PLAAT3: variants seen among roughly 807,000 people sequenced by gnomAD.
The protein encoded by PLAAT3 is Ca-independent phospholipase A1/2.
A neutral mutation model predicts 16.7 loss-of-function variants in PLAAT3; 21 were observed. That is an observed-to-expected ratio of 1.26 (90% CI 0.89 to 1.81). The LOEUF (loss-of-function observed/expected upper bound fraction) is 1.81. Ranked by LOEUF, PLAAT3 falls within the 40% of genes most tolerant of loss-of-function variation. The pLI, the probability that PLAAT3 is intolerant of heterozygous loss-of-function variation, is 0.00. For synonymous variants in PLAAT3, 76 were observed against 81.7 expected, an observed-to-expected ratio of 0.93 and a Z score of 0.38; for missense variants, 219 against 213.7, an observed-to-expected ratio of 1.02 and a Z score of -0.16.
At chr11:63,575,880 A>C (rs2017652659) in intron 4 of PLAAT3, among the ~76,000 whole-genome samples, 1 of 152,230 alleles carries the variant, frequency 6.6e-6, no homozygotes, top group Non-Finnish European at 1.5e-5. Context: ...AGAATGAGAG[A>C]GAGCTTTAGC....
At chr11:63,595,168 G>A (rs1471538670) in intron 3 of PLAAT3, among the ~76,000 whole-genome samples, 1 of 151,720 alleles carries the variant, frequency 6.6e-6, no homozygotes, top group East Asian at 1.9e-4. Flanking sequence ...GTGCGTGCCT[G>A]TAATCCCAGC....
At chr11:63,599,818 T>A (rs1938379131) in intron 2 of PLAAT3, among the ~76,000 whole-genome samples, 1 of 152,078 alleles carries the variant, frequency 6.6e-6, no homozygotes, top group Middle Eastern at 3.2e-3. Flanking sequence ...ACATAAAGAC[T>A]GGGTGGGTAC....
chr11:63,612,828 A>G (rs1017750984), intron 2 of PLAAT3, among the ~76,000 whole-genome samples: 1 of 152,096 alleles, frequency 6.6e-6, no homozygotes, highest in African/African-American at 2.4e-5. Context: ...TAAGGTTTTT[A>G]CTGTCATGAT....
chr11:63,615,268 GTA>G (rs1178974266), upstream of PLAAT3, among the ~76,000 whole-genome samples: 2 of 37,106 alleles, frequency 5.4e-5, 1 homozygote, highest in African/African-American at 1.3e-4. Context: ...ATATATGTGT[GTA>G]TATATGTGTA....
chr11:63,591,975 T>C (rs1192670229), intron 3 of PLAAT3, among the ~76,000 whole-genome samples: 1 of 152,122 alleles, frequency 6.6e-6, no homozygotes, highest in African/African-American at 2.4e-5. Context: ...CTTAAACTTA[T>C]ATCTAGATGC....
chr11:63,603,896 A>G (rs1938495364), intron 2 of PLAAT3, among the ~76,000 whole-genome samples: 4 of 152,222 alleles, frequency 2.6e-5, no homozygotes. Context: ...TCATGCCTGT[A>G]ATCCCAGCAC....
intron 2 of PLAAT3, among the ~76,000 whole-genome samples, chr11:63,605,677 C>T (rs1402193850): frequency 1.3e-5 from 2 of 151,818 alleles, no homozygotes; most frequent in Non-Finnish European, 2.9e-5. Context: ...CTCAGCCTCC[C>T]GAGTAGCTGG....
At chr11:63,577,566 A>G (rs1937650007) in intron 4 of PLAAT3, among the ~76,000 whole-genome samples, 1 of 152,220 alleles carries the variant, frequency 6.6e-6, no homozygotes, top group East Asian at 1.9e-4. Flanking sequence ...AAAAATAGCA[A>G]TCTGGAGAAA....
chr11:63,590,066 T>C (rs1433269411), intron 4 of PLAAT3, 34 bp downstream of exon 4: 19 of 1,601,698 alleles, frequency 1.2e-5, no homozygotes, highest in Non-Finnish European at 1.6e-5. Flanking sequence ...AATGGTCTGG[T>C]TCCTGGGGAA....
rs1590703895 is a variant in PLAAT3 at position 63,614,208 on chromosome 11, A to G, written c.-54-140T>C. The G allele has an allele frequency of 1.1e-5, 7 of 658,596 alleles. No individual in the cohort carries two copies. The East Asian group carries it at 1.9e-4, about 18-fold the overall frequency. 40.8% of individuals were successfully genotyped at this position (658,596 alleles called of 1,614,324 possible). A position where few individuals can be genotyped will look rare whatever the true frequency, so the allele number is the denominator to read the frequency against. ...AACAACCACCTCGCTCCCTTTAACA[A>G]CTTTCTCGCCGGGGCCCGGCGGGCG... On this transcript the variant is annotated intron_variant, in intron 1 of 4. Coordinates refer to ENST00000415826, the MANE Select transcript of PLAAT3 (RefSeq NM_001128203.2).
intron 2 of PLAAT3, among the ~76,000 whole-genome samples, chr11:63,602,059 A>G (rs1353296562): frequency 2.0e-5 from 3 of 151,072 alleles, no homozygotes; most frequent in Non-Finnish European, 4.4e-5. Flanking sequence ...AGGCCGAGGC[A>G]GGCAGATCAC....
intron 2 of PLAAT3, among the ~76,000 whole-genome samples, chr11:63,599,436 T>G (rs1938369346): frequency 6.6e-6 from 1 of 152,018 alleles, no homozygotes; most frequent in African/African-American, 2.4e-5. Context: ...TCGGCTGACC[T>G]CCCCTGGGCG....
At chr11:63,595,866 CT>C (rs1329511559) in intron 3 of PLAAT3, among the ~76,000 whole-genome samples, 3 of 152,244 alleles carry the variant, frequency 2.0e-5, no homozygotes, top group South Asian at 4.1e-4. Flanking sequence ...GAAATCAAGG[CT>C]GAAGAATGGA....
chr11:63,587,514 A>C (rs1040658537), intron 4 of PLAAT3, among the ~76,000 whole-genome samples: 3 of 151,684 alleles, frequency 2.0e-5, no homozygotes, highest in Non-Finnish European at 4.4e-5. Context: ...AGATATTTTC[A>C]GGCATGCAAG....
chr11:63,578,015 G>C (rs1937666515), intron 4 of PLAAT3, among the ~76,000 whole-genome samples: 1 of 152,154 alleles, frequency 6.6e-6, no homozygotes, highest in African/African-American at 2.4e-5. Context: ...GGGTGCAGTG[G>C]CTCAAGTCTG....
intron 2 of PLAAT3, among the ~76,000 whole-genome samples, chr11:63,599,714 A>G (rs1938376021): frequency 1.4e-5 from 2 of 141,262 alleles, no homozygotes; most frequent in African/African-American, 3.0e-5. Flanking sequence ...GTTTTCCAGG[A>G]AAAAAAAAAG....
At chr11:63,614,818 A>G (rs964085783), upstream of PLAAT3, among the ~76,000 whole-genome samples, 5 of 151,196 alleles carry the variant, frequency 3.3e-5, no homozygotes, top group African/African-American at 9.7e-5. Context: ...GATCGAGACC[A>G]TGCTGGCTAA....
intron 2 of PLAAT3, among the ~76,000 whole-genome samples, chr11:63,612,984 A>T (rs545371047): frequency 6.6e-6 from 1 of 152,354 alleles, no homozygotes; most frequent in South Asian, 2.1e-4. Context: ...TCAAACAAAC[A>T]TGCCAGATAC....
At chr11:63,588,977 CAAAAAAAAAAAA>C (rs58090843) in intron 4 of PLAAT3, among the ~76,000 whole-genome samples, 6 of 46,902 alleles carry the variant, frequency 1.3e-4, no homozygotes, top group African/African-American at 3.5e-4. Context: ...ATGAGCCAAG[CAAAAAAAAAAAA>C]AAAAAAAAAG....
Sources: gnomAD v4.1 joint callset for allele counts (sites outside exome capture counted in the v4.1 genomes callset) on GRCh38, gnomAD v4.1.1 for gene constraint, MANE v1.5 for transcripts, NCBI Gene and HGNC (gene_info 2026-07-23, HGNC 2026-07-21) for gene names.